Variants in KIAA1671 observed in about 807,000 individuals in gnomAD.
KIAA1671 encodes uncharacterized protein KIAA1671.
In KIAA1671, 52 loss-of-function variants were observed where a neutral mutation model predicts 131.2. The ratio of observed to expected loss-of-function variants is 0.40; its 90% CI spans 0.32 to 0.50. The LOEUF is 0.50. KIAA1671 is among the 20% of genes least tolerant of loss of function. The pLI is 0.73. For missense variants in KIAA1671, 2,360 were observed against 2,364.2 expected, an observed-to-expected ratio of 1.00 and a Z score of 0.04; for synonymous variants, 1,003 against 961.6, an observed-to-expected ratio of 1.04 and a Z score of -0.80.
At chr22:25,055,384 AC>A (rs1339157220) in intron 6 of KIAA1671, 2 of 149,830 alleles carry the variant, frequency 1.3e-5, no homozygotes, top group Non-Finnish European at 3.0e-5. Flanking sequence ...ATGAAAGACC[AC>A]ACAAGGACTG....
chr22:25,190,414 A>C (rs1274799882), intron 11 of KIAA1671, among the ~76,000 whole-genome samples: 3 of 152,210 alleles, frequency 2.0e-5, no homozygotes, highest in African/African-American at 7.2e-5. Context: ...CCCACCACTC[A>C]CCACCTGCTG....
intron 6 of KIAA1671, among the ~76,000 whole-genome samples, chr22:25,085,941 T>C (rs1210193858): frequency 1.3e-5 from 2 of 152,104 alleles, no homozygotes; most frequent in African/African-American, 4.8e-5. Flanking sequence ...TGAGACTCTT[T>C]GCAAGCAGAA....
intron 6 of KIAA1671, among the ~76,000 whole-genome samples, chr22:25,154,068 CTCAG>C (rs1464773992): frequency 2.0e-5 from 3 of 152,212 alleles, no homozygotes; most frequent in Admixed American, 1.3e-4. Flanking sequence ...GGTGTGACTT[CTCAG>C]TCAGCCAAGT....
intron 6 of KIAA1671, among the ~76,000 whole-genome samples, chr22:25,090,277 C>A (rs2145877044): frequency 6.6e-6 from 1 of 152,372 alleles, no homozygotes; most frequent in South Asian, 2.1e-4. Flanking sequence ...CCTGAAGTTC[C>A]AGTCTCACCC....
In KIAA1671 at chr22:24,997,740, C is replaced by G. The variant is rs551620537; in HGVS notation, c.-207-27893C>G. Among the ~76,000 whole-genome samples, 3 of 152,238 alleles carry G rather than the reference C, an allele frequency of 2.0e-5. No individual in the cohort carries two copies. The South Asian group carries it at 6.2e-4, about 32-fold the overall frequency. Reference sequence around the variant, plus strand: ...TGCCTCCTTAAGCATAACATACATACAGGAAAGTACACACATCTTAGGTGT... The same window carrying G: ...TGCCTCCTTAAGCATAACATACATAGAGGAAAGTACACACATCTTAGGTGT... On this transcript the variant is annotated intron_variant, in intron 1 of 12. Coordinates refer to ENST00000358431, the MANE Select transcript of KIAA1671 (RefSeq NM_001145206.2).
intron 6 of KIAA1671, among the ~76,000 whole-genome samples, chr22:25,075,417 G>T (rs1016913468): frequency 1.3e-5 from 2 of 152,054 alleles, no homozygotes; most frequent in African/African-American, 2.4e-5. Context: ...TCTAGTTCAG[G>T]GTCCCACATT....
intron 1 of KIAA1671, among the ~76,000 whole-genome samples, chr22:24,959,266 G>A (rs1921887982): frequency 1.3e-5 from 2 of 152,002 alleles, no homozygotes. Context: ...AGCACTTTGG[G>A]AGTCAGAGGT....
intron 1 of KIAA1671, among the ~76,000 whole-genome samples, chr22:24,988,845 C>T (rs1275175540): frequency 6.6e-6 from 1 of 151,978 alleles, no homozygotes; most frequent in Admixed American, 6.6e-5. Context: ...CTACTGAACA[C>T]CAGGTACTGT....
intron 6 of KIAA1671, chr22:25,061,444 C>T (rs1366023461): frequency 1.3e-5 from 2 of 152,356 alleles, no homozygotes; most frequent in East Asian, 1.9e-4. Context: ...CCGTGAGCCC[C>T]GCTGAGGGCA....
intron 6 of KIAA1671, among the ~76,000 whole-genome samples, chr22:25,073,096 TCTCA>T (rs1416185580): frequency 6.6e-6 from 1 of 152,104 alleles, no homozygotes; most frequent in Non-Finnish European, 1.5e-5. Context: ...AGAGATAGGG[TCTCA>T]CTCTGTCACC....
chr22:25,140,570 T>C (rs965588346), intron 6 of KIAA1671, among the ~76,000 whole-genome samples: 3 of 152,070 alleles, frequency 2.0e-5, no homozygotes, highest in Admixed American at 6.5e-5. Context: ...AAGTAAGTCA[T>C]GGGTTCTGCC....
chr22:25,084,073 C>A (rs1002220948), intron 6 of KIAA1671, among the ~76,000 whole-genome samples: 2 of 152,254 alleles, frequency 1.3e-5, no homozygotes, highest in Non-Finnish European at 2.9e-5. Flanking sequence ...TCTGCAGAGT[C>A]TCCCAGCCTA....
intron 6 of KIAA1671, among the ~76,000 whole-genome samples, chr22:25,119,907 G>C (rs8137529): frequency 6.6e-6 from 1 of 152,110 alleles, no homozygotes; most frequent in African/African-American, 2.4e-5. Context: ...GGGCCAGGCC[G>C]GATAGGGCCA....
At chr22:24,987,523 A>G (rs1301577234) in intron 1 of KIAA1671, among the ~76,000 whole-genome samples, 1 of 152,022 alleles carries the variant, frequency 6.6e-6, no homozygotes, top group Non-Finnish European at 1.5e-5. Context: ...CTGGAGTGCC[A>G]TGGTGTGATC....
intron 6 of KIAA1671, among the ~76,000 whole-genome samples, chr22:25,135,445 C>G (rs564658046): frequency 6.6e-6 from 1 of 152,214 alleles, no homozygotes; most frequent in Non-Finnish European, 1.5e-5. Flanking sequence ...CTCGGTCTCC[C>G]AAAGTGCTGG....
intron 8 of KIAA1671, 65 bp downstream of exon 8, chr22:25,174,554 A>G: frequency 6.8e-7 from 1 of 1,461,550 alleles, no homozygotes; most frequent in South Asian, 1.4e-5. Flanking sequence ...GTGAATTGCC[A>G]CTTCAGGTGT....
chr22:24,972,936 G>C (rs1000475894), intron 1 of KIAA1671, among the ~76,000 whole-genome samples: 1 of 152,182 alleles, frequency 6.6e-6, no homozygotes, highest in Non-Finnish European at 1.5e-5. Flanking sequence ...CTAGGGGAGG[G>C]CTCTGGGAGG....
Position 25,029,375 on chromosome 22 carries a change from C to T in KIAA1671, c.1376C>T (p.Pro459Leu), listed in dbSNP as rs1404492600. 5.2e-6 allele frequency: 8 copies of T among 1,551,206 alleles called. No individual in the cohort carries two copies. The highest frequency in any genetic ancestry group is 6.1e-6 in the Non-Finnish European group (7 of 1,146,830). ...GCCTTGGCAGTGGGGTCTGAATCTC[C>T]CCTGGCCACCCCTGCGTCCCCATCG... ...TLALAVGSES[P>L]LATPASPSAA... The change falls in exon 3 of 13, where the codon CCC (proline) becomes CTC (leucine). Residue 459 changes from proline (P) to leucine (L), a missense_variant. Transcript: ENST00000358431.
intron 6 of KIAA1671, among the ~76,000 whole-genome samples, chr22:25,087,417 C>G (rs1470341037): frequency 6.6e-6 from 1 of 152,146 alleles, no homozygotes; most frequent in Non-Finnish European, 1.5e-5. Context: ...AACCCTGTCT[C>G]TACTGAAAAT....
Sources: allele counts gnomAD v4.1 joint callset (sites outside exome capture counted in the v4.1 genomes callset), GRCh38; gene constraint gnomAD v4.1.1; transcripts MANE v1.5; gene names NCBI Gene and HGNC (gene_info 2026-07-23, HGNC 2026-07-21).